Variants in OSBPL10 observed in about 807,000 individuals in gnomAD.
OSBPL10 encodes the protein oxysterol binding protein like 10, also known as oxysterol-binding protein-related protein 10.
A neutral mutation model predicts 81.7 loss-of-function variants in OSBPL10; 49 were observed. The observed-to-expected ratio is 0.60, with a 90% CI of 0.48 to 0.76. The LOEUF is 0.76. Among genes scored for constraint, OSBPL10 ranks in the 30% least tolerant of loss-of-function variants. The pLI is 0.00. For missense variants in OSBPL10, 923 were observed against 987.8 expected (o/e 0.93, Z 0.88); for synonymous variants, 419 against 383.6 (o/e 1.09, Z -1.08).
intron 3 of OSBPL10, among the ~76,000 whole-genome samples, chr3:31,833,816 C>T (rs1266427391): frequency 1.3e-5 from 2 of 152,080 alleles, no homozygotes; most frequent in African/African-American, 2.4e-5. Context: ...GCAATAGACA[C>T]CTTTGCCTGT....
intron 6 of OSBPL10, among the ~76,000 whole-genome samples, chr3:31,721,065 G>A (rs1696629380): frequency 6.6e-6 from 1 of 152,084 alleles, no homozygotes; most frequent in African/African-American, 2.4e-5. Flanking sequence ...CCTTAAGAGT[G>A]GAAGAGGGAA....
intron 2 of OSBPL10, chr3:31,989,213 AG>A: frequency 6.2e-7 from 1 of 1,614,178 alleles, no homozygotes; most frequent in South Asian, 1.1e-5. Context: ...GACCCTACGC[AG>A]AGGGCTTTAT....
intron 4 of OSBPL10, among the ~76,000 whole-genome samples, chr3:31,819,714 C>T (rs190930467): frequency 1.6e-3 from 248 of 152,358 alleles, no homozygotes; most frequent in Non-Finnish European, 2.4e-3. Flanking sequence ...CCACTTCACA[C>T]GCGTGTGACT....
chr3:31,792,860 C>CTG (rs6147757), intron 4 of OSBPL10, among the ~76,000 whole-genome samples: 9,719 of 126,254 alleles, frequency 0.077, 425 homozygotes, highest in Middle Eastern at 0.1. Flanking sequence ...TCTAGGCACT[C>CTG]TGTGTGTGTG....
At chr3:31,980,623 T>G (rs1030190720) in intron 1 of OSBPL10, among the ~76,000 whole-genome samples, 1 of 152,150 alleles carries the variant, frequency 6.6e-6, no homozygotes, top group Non-Finnish European at 1.5e-5. Flanking sequence ...CACTCCAGTC[T>G]CTGCAGGTGC....
intron 8 of OSBPL10, among the ~76,000 whole-genome samples, chr3:31,674,583 T>TTAGATAGATTAGA (rs1553612407): frequency 1.4e-5 from 2 of 147,960 alleles, no homozygotes; most frequent in East Asian, 2.1e-4. Flanking sequence ...GATAGATAGA[T>TTAGATAGATTAGA]TAGATAGATA....
chr3:31,724,875 C>A (rs1485389065), intron 6 of OSBPL10, among the ~76,000 whole-genome samples: 1 of 152,116 alleles, frequency 6.6e-6, no homozygotes, highest in Non-Finnish European at 1.5e-5. Flanking sequence ...AGCTCTTAAC[C>A]ACAGGAGGCA....
At chr3:31,889,034 C>T (rs112637934) in intron 1 of OSBPL10, among the ~76,000 whole-genome samples, 30,157 of 151,896 alleles carry the variant, frequency 0.2, 3,249 homozygotes, top group South Asian at 0.32. Context: ...AAATGTCCAA[C>T]AAATATATGA....
chr3:31,752,127 C>T (rs1232410523), intron 4 of OSBPL10, among the ~76,000 whole-genome samples: 3 of 152,150 alleles, frequency 2.0e-5, no homozygotes, highest in African/African-American at 7.2e-5. Context: ...TTCAAGGTGC[C>T]TACCAGCTTA....
intron 1 of OSBPL10, among the ~76,000 whole-genome samples, chr3:32,047,315 A>C (rs1699631934): frequency 6.6e-6 from 1 of 152,116 alleles, no homozygotes; most frequent in Admixed American, 6.5e-5. Flanking sequence ...AAACAAAATA[A>C]TGGCTACTCC....
chr3:31,837,545 C>A (rs1449040530), intron 3 of OSBPL10, among the ~76,000 whole-genome samples: 1 of 150,558 alleles, frequency 6.6e-6, no homozygotes. Flanking sequence ...AGCTTCATTC[C>A]TTTTAATATT....
At chr3:32,056,614 C>G (rs1482803460) in intron 1 of OSBPL10, among the ~76,000 whole-genome samples, 1 of 152,248 alleles carries the variant, frequency 6.6e-6, no homozygotes, top group South Asian at 2.1e-4. Flanking sequence ...GAGCTCCTGT[C>G]TACCCTGAAT....
chr3:32,000,598 T>C (rs1463545066), intron 2 of OSBPL10, among the ~76,000 whole-genome samples: 1 of 152,222 alleles, frequency 6.6e-6, no homozygotes, highest in Non-Finnish European at 1.5e-5. Flanking sequence ...CTGTGCGAAA[T>C]TGCGGGGCTG....
chr3:31,686,301 T>A (rs377437270), intron 7 of OSBPL10, among the ~76,000 whole-genome samples: 3 of 152,310 alleles, frequency 2.0e-5, no homozygotes, highest in African/African-American at 7.2e-5. Context: ...CAGAGAGAGA[T>A]AGGCAGACAT....
At chr3:32,020,021 C>T (rs561045930) in intron 2 of OSBPL10, among the ~76,000 whole-genome samples, 19 of 152,240 alleles carry the variant, frequency 1.2e-4, no homozygotes, top group East Asian at 1.9e-4. Context: ...CTGTAGAAGC[C>T]GAGTCAATGA....
intron 4 of OSBPL10, among the ~76,000 whole-genome samples, chr3:31,822,649 C>T (rs1700005982): frequency 6.6e-6 from 1 of 151,882 alleles, no homozygotes; most frequent in African/African-American, 2.4e-5. Context: ...AGTGGCTCAC[C>T]CCGTAATCCC....
chr3:31,895,448 T>A (rs1028849387), intron 1 of OSBPL10, among the ~76,000 whole-genome samples: 18 of 152,000 alleles, frequency 1.2e-4, no homozygotes, highest in Non-Finnish European at 1.0e-4. Context: ...AGACTTTTTT[T>A]AAACAATCCC....
chr3:31,694,220 A>C lies in OSBPL10; in HGVS notation c.1245+8139T>G, dbSNP rs550400371. On this transcript the variant is annotated intron_variant, in intron 7 of 11. Transcript: ENST00000396556. ...ACCTCATCTCTACTAAAAATACAAA[A>C]ATTAGCCAGGCGTGATGGTGAGCAC... Among the ~76,000 whole-genome samples the C allele has an allele frequency of 3.5e-4, 53 of 152,030 alleles. 2 individuals carry two copies. The highest frequency in any genetic ancestry group is 3.1e-3 in the Admixed American group (48 of 15,270).
chr3:31,997,687 C>T (rs4955219), intron 2 of OSBPL10, among the ~76,000 whole-genome samples: 22 of 152,150 alleles, frequency 1.4e-4, no homozygotes, highest in South Asian at 1.0e-3. Context: ...TTTCATCAAG[C>T]GAACATCTGG....
Sources: gnomAD v4.1 joint callset for allele counts (sites outside exome capture counted in the v4.1 genomes callset) on GRCh38, gnomAD v4.1.1 for gene constraint, MANE v1.5 for transcripts, NCBI Gene and HGNC (gene_info 2026-07-23, HGNC 2026-07-21) for gene names.